The following TMEM108 variants were observed in gnomAD, a reference collection of about 807,000 sequenced individuals.
The protein encoded by TMEM108 is transmembrane protein 108.
Under a neutral mutation model 35.1 loss-of-function variants are expected in TMEM108, and 12 were observed. That is an observed-to-expected ratio of 0.34 (90% CI 0.22 to 0.55). The LOEUF (loss-of-function observed/expected upper bound fraction) is 0.55, where lower values mean the gene tolerates loss of function less well. Among genes scored for constraint, TMEM108 ranks in the 20% least tolerant of loss-of-function variants. The pLI, the probability that TMEM108 is intolerant of heterozygous loss-of-function variation, is 0.89. For missense variants in TMEM108, 680 were observed against 753.3 expected (o/e 0.90, Z 1.14); for synonymous variants, 287 against 308.6 (o/e 0.93, Z 0.73).
chr3:133,289,439 C>T (rs1313954443), intron 3 of TMEM108, among the ~76,000 whole-genome samples: 5 of 152,296 alleles, frequency 3.3e-5, no homozygotes, highest in South Asian at 4.1e-4. Context: ...CAGCAGTACT[C>T]GACATCAGTC....
intron 3 of TMEM108, among the ~76,000 whole-genome samples, chr3:133,280,574 C>T (rs149553694): frequency 0.012 from 1,755 of 152,230 alleles, 12 homozygotes; most frequent in Non-Finnish European, 0.018. Flanking sequence ...CTGTGAGGCC[C>T]GATTTAATTA....
intron 3 of TMEM108, among the ~76,000 whole-genome samples, chr3:133,321,363 G>A (rs2071265518): frequency 6.6e-6 from 1 of 152,118 alleles, no homozygotes; most frequent in Non-Finnish European, 1.5e-5. Flanking sequence ...AGCAAGAGTA[G>A]CGATTCTTAT....
intron 2 of TMEM108, among the ~76,000 whole-genome samples, chr3:133,127,305 G>C (rs1026332432): frequency 6.6e-6 from 1 of 152,112 alleles, no homozygotes; most frequent in Admixed American, 6.5e-5. Context: ...CATTAGCCAC[G>C]TTTTAAGCAC....
intron 2 of TMEM108, among the ~76,000 whole-genome samples, chr3:133,215,972 G>A (rs1945902109): frequency 6.6e-6 from 1 of 151,942 alleles, no homozygotes; most frequent in African/African-American, 2.4e-5. Flanking sequence ...ATATCATTGG[G>A]CCTACTCGTG....
intron 3 of TMEM108, among the ~76,000 whole-genome samples, chr3:133,268,844 G>A (rs1263917636): frequency 6.6e-6 from 1 of 152,208 alleles, no homozygotes; most frequent in Non-Finnish European, 1.5e-5. Flanking sequence ...GATTTGGAAA[G>A]CTACAAGATA....
intron 2 of TMEM108, among the ~76,000 whole-genome samples, chr3:133,167,568 C>T (rs908737567): frequency 5.3e-5 from 8 of 152,354 alleles, no homozygotes; most frequent in Admixed American, 1.3e-4. Flanking sequence ...AGCGAGAATT[C>T]GAGCATGGCA....
At chr3:133,102,848 C>T (rs939838442) in intron 2 of TMEM108, among the ~76,000 whole-genome samples, 2 of 150,422 alleles carry the variant, frequency 1.3e-5, no homozygotes, top group African/African-American at 4.9e-5. Flanking sequence ...AGCTCAACAT[C>T]ACTGATCATT....
At chr3:133,185,784 C>CTTTTCTTTTT (rs1441056931) in intron 2 of TMEM108, among the ~76,000 whole-genome samples, 9,704 of 126,636 alleles carry the variant, frequency 0.077, 721 homozygotes, top group East Asian at 0.34. Context: ...CTTTTCTTTT[C>CTTTTCTTTTT]TTTTTTTTTT....
chr3:133,134,595 T>A (rs571731852), intron 2 of TMEM108, among the ~76,000 whole-genome samples: 33 of 152,230 alleles, frequency 2.2e-4, no homozygotes, highest in South Asian at 4.1e-4. Flanking sequence ...TGTTTTTTTT[T>A]AAATTATTAT....
intron 2 of TMEM108, among the ~76,000 whole-genome samples, chr3:133,227,473 G>A (rs1429532923): frequency 4.7e-5 from 7 of 150,460 alleles, no homozygotes; most frequent in South Asian, 2.1e-4. Flanking sequence ...GATTACAGGC[G>A]TGAGCCACCG....
chr3:133,387,687 A>G, intron 4 of TMEM108: 1 of 632,404 alleles, frequency 1.6e-6, no homozygotes, highest in Non-Finnish European at 2.0e-6. Flanking sequence ...TTGTTTCAGC[A>G]CCTACTGTGC....
chr3:133,363,076 G>T (rs1292459569), intron 3 of TMEM108, among the ~76,000 whole-genome samples: 1 of 152,140 alleles, frequency 6.6e-6, no homozygotes. Flanking sequence ...TACTACATGC[G>T]TGGACCATTT....
At chr3:133,073,597 T>C (rs538754061) in intron 2 of TMEM108, among the ~76,000 whole-genome samples, 1 of 149,852 alleles carries the variant, frequency 6.7e-6, no homozygotes, top group African/African-American at 2.4e-5. Context: ...ATCTTGGCTA[T>C]TGTGAATAAT....
chr3:133,058,139 T>C (rs1188234913), intron 2 of TMEM108, among the ~76,000 whole-genome samples: 1 of 152,128 alleles, frequency 6.6e-6, no homozygotes, highest in Non-Finnish European at 1.5e-5. Flanking sequence ...GAAAAAAAAG[T>C]AAATGAGAAG....
chr3:133,289,808 G>A (rs994328221), intron 3 of TMEM108, among the ~76,000 whole-genome samples: 15 of 152,022 alleles, frequency 9.9e-5, no homozygotes, highest in African/African-American at 3.4e-4. Context: ...AGGGCCACTC[G>A]AATCAAAAAC....
At chr3:133,296,144 C>A (rs1364401093) in intron 3 of TMEM108, among the ~76,000 whole-genome samples, 1 of 152,078 alleles carries the variant, frequency 6.6e-6, no homozygotes, top group Non-Finnish European at 1.5e-5. Context: ...GGAAAAGCAC[C>A]CCCCTTTTTT....
chr3:133,348,632 A>G (rs1162204318), intron 3 of TMEM108, among the ~76,000 whole-genome samples: 1 of 152,138 alleles, frequency 6.6e-6, no homozygotes, highest in Non-Finnish European at 1.5e-5. Flanking sequence ...CCCTGACATC[A>G]ACCAGGTGTT....
intron 3 of TMEM108, among the ~76,000 whole-genome samples, chr3:133,305,400 A>T (rs1253902451): frequency 6.6e-6 from 1 of 150,764 alleles, no homozygotes; most frequent in Non-Finnish European, 1.5e-5. Flanking sequence ...GCATTGGGAG[A>T]TACACCTAAT....
chr3:133,238,121 T>TCACA (rs3078813), intron 3 of TMEM108, among the ~76,000 whole-genome samples: 30,605 of 151,862 alleles, frequency 0.2, 3,587 homozygotes, highest in Middle Eastern at 0.32. Flanking sequence ...CCTCCCTCAC[T>TCACA]CACACACATA....
Sources: gnomAD v4.1 joint callset for allele counts (sites outside exome capture counted in the v4.1 genomes callset) on GRCh38, gnomAD v4.1.1 for gene constraint, MANE v1.5 for transcripts, NCBI Gene and HGNC (gene_info 2026-07-23, HGNC 2026-07-21) for gene names.